Variants in CHRM3 observed in about 807,000 individuals in gnomAD.
CHRM3 encodes muscarinic acetylcholine receptor M3.
Under a neutral mutation model 41.8 loss-of-function variants are expected in CHRM3, and 11 were observed. The ratio of observed to expected loss-of-function variants is 0.26; its 90% confidence interval spans 0.17 to 0.44. CHRM3 has a LOEUF of 0.44. Ranked by LOEUF, CHRM3 falls within the 20% of genes least tolerant of loss-of-function variation. The pLI is 1.00. For missense variants in CHRM3, 571 were observed against 745.4 expected (o/e 0.77, Z 2.72); for synonymous variants, 297 against 301.4 (o/e 0.99, Z 0.15).
intron 5 of CHRM3, among the ~76,000 whole-genome samples, chr1:239,816,732 CTTT>C (rs11309320): frequency 1.7e-4 from 23 of 131,516 alleles, no homozygotes; most frequent in Admixed American, 3.1e-4. Flanking sequence ...GTGCCTCAGT[CTTT>C]TTTTTTTTTT....
intron 1 of CHRM3, among the ~76,000 whole-genome samples, chr1:239,489,889 A>G (rs1667446513): frequency 6.6e-6 from 1 of 152,178 alleles, no homozygotes; most frequent in African/African-American, 2.4e-5. Flanking sequence ...CATGGGAAGA[A>G]GGAGGAAAAA....
At chr1:239,824,317 G>A (rs999242603) in intron 5 of CHRM3, among the ~76,000 whole-genome samples, 12 of 152,178 alleles carry the variant, frequency 7.9e-5, no homozygotes, top group Non-Finnish European at 1.8e-4. Flanking sequence ...ATTGCACAAG[G>A]TGGACTCGGT....
chr1:239,541,758 C>T (rs1658805025), intron 2 of CHRM3, among the ~76,000 whole-genome samples: 1 of 152,204 alleles, frequency 6.6e-6, no homozygotes, highest in South Asian at 2.1e-4. Flanking sequence ...AGCAATCCAC[C>T]TGCCTTGGCC....
At chr1:239,468,470 C>T (rs540715354) in intron 1 of CHRM3, among the ~76,000 whole-genome samples, 5 of 152,172 alleles carry the variant, frequency 3.3e-5, no homozygotes, top group Admixed American at 6.5e-5. Context: ...TAATGTTTGG[C>T]ATTATGTTTT....
At chr1:239,539,828 G>A (rs946219204) in intron 2 of CHRM3, among the ~76,000 whole-genome samples, 1 of 152,070 alleles carries the variant, frequency 6.6e-6, no homozygotes, top group Non-Finnish European at 1.5e-5. Flanking sequence ...TGTTGCCCAA[G>A]CAGGTCTCAA....
chr1:239,785,829 G>A (rs1393925978), intron 5 of CHRM3, among the ~76,000 whole-genome samples: 1 of 152,126 alleles, frequency 6.6e-6, no homozygotes, highest in African/African-American at 2.4e-5. Context: ...TCATGGAAGG[G>A]TTTAGTTTGC....
At chr1:239,531,606 T>C (rs1670407787) in intron 2 of CHRM3, among the ~76,000 whole-genome samples, 1 of 149,296 alleles carries the variant, frequency 6.7e-6, no homozygotes, top group African/African-American at 2.5e-5. Context: ...TGCTATGTGC[T>C]TTGTCGTATA....
chr1:239,712,720 A>G (rs1256111902), intron 5 of CHRM3, among the ~76,000 whole-genome samples: 1 of 152,126 alleles, frequency 6.6e-6, no homozygotes, highest in East Asian at 1.9e-4. Context: ...GTAAACCCCA[A>G]AGCACTAATA....
chr1:239,469,800 G>C (rs61834723), intron 1 of CHRM3, among the ~76,000 whole-genome samples: 5,217 of 152,108 alleles, frequency 0.034, 128 homozygotes, highest in African/African-American at 0.063. Context: ...CAGGTGATTC[G>C]CCCGCCTTGG....
In CHRM3 at chr1:239,424,485, C is replaced by G. The variant is rs182004652; in HGVS notation, c.-521+37258C>G. Reference sequence around the variant, plus strand: ...CATGACATTTTGTTCATTCATTCAACAAACACTTGAATGTGCCAAACACTT... The same window carrying G: ...CATGACATTTTGTTCATTCATTCAAGAAACACTTGAATGTGCCAAACACTT... On this transcript the variant is annotated intron_variant, in intron 1 of 6. Coordinates refer to ENST00000676153, the MANE Select transcript of CHRM3 (RefSeq NM_001375978.1). 3.0e-3 allele frequency among the ~76,000 whole-genome samples: 452 copies of G among 152,282 alleles called. 8 individuals carry two copies. The highest frequency in any genetic ancestry group is 2.0e-3 in the Non-Finnish European group (138 of 68,020).
chr1:239,500,101 C>T (rs1306000281), intron 2 of CHRM3, among the ~76,000 whole-genome samples: 1 of 142,432 alleles, frequency 7.0e-6, no homozygotes, highest in Non-Finnish European at 1.6e-5. Context: ...CCCATCAATA[C>T]CTAATTTATT....
intron 1 of CHRM3, among the ~76,000 whole-genome samples, chr1:239,484,528 C>T (rs1245199475): frequency 1.3e-5 from 2 of 151,996 alleles, no homozygotes; most frequent in Non-Finnish European, 2.9e-5. Flanking sequence ...CAGTGTAGAA[C>T]ACTGTTATTA....
At chr1:239,559,603 A>G (rs1460904698) in intron 3 of CHRM3, among the ~76,000 whole-genome samples, 1 of 152,202 alleles carries the variant, frequency 6.6e-6, no homozygotes, top group Non-Finnish European at 1.5e-5. Flanking sequence ...AGAGAGCCTG[A>G]TGATGGCTTT....
At chr1:239,548,536 A>C (rs2148426281) in intron 3 of CHRM3, among the ~76,000 whole-genome samples, 1 of 152,224 alleles carries the variant, frequency 6.6e-6, no homozygotes, top group East Asian at 1.9e-4. Context: ...CTTCTTGTTT[A>C]TTTTTGCAAT....
intron 5 of CHRM3, among the ~76,000 whole-genome samples, chr1:239,802,622 G>A (rs1157619307): frequency 6.6e-6 from 1 of 152,098 alleles, no homozygotes; most frequent in Non-Finnish European, 1.5e-5. Context: ...TTCGAGACAG[G>A]GTCTTACTCT....
intron 5 of CHRM3, among the ~76,000 whole-genome samples, chr1:239,805,024 T>G (rs1168257308): frequency 1.3e-5 from 2 of 152,230 alleles, no homozygotes; most frequent in Non-Finnish European, 2.9e-5. Flanking sequence ...CCCGTTTCCT[T>G]AACTCTTACA....
At position 239,638,552 on chromosome 1, in the gene CHRM3, G is replaced by A. The variant is rs1374742622; in HGVS notation, c.-250+6266G>A. 2.3e-4 allele frequency among the ~76,000 whole-genome samples: 35 copies of A among 152,230 alleles called. 1 individual carries two copies. Among genetic ancestry groups the A allele is most frequent in the African/African-American group, 7.7e-4 (32 of 41,542 alleles). On this transcript the variant is annotated intron_variant, in intron 4 of 6. Transcript: ENST00000676153. ...TTTTTCATGTGTTTTTTGGCTGCAT[G>A]AATGTCTTCTTTTGAGAAGTGTCTG...
intron 3 of CHRM3, among the ~76,000 whole-genome samples, chr1:239,617,450 C>T (rs946963483): frequency 2.0e-5 from 3 of 152,040 alleles, no homozygotes; most frequent in Non-Finnish European, 2.9e-5. Flanking sequence ...TTTGGCCAGG[C>T]GTGGGAGCTC....
intron 6 of CHRM3, among the ~76,000 whole-genome samples, chr1:239,896,434 A>G (rs1204237381): frequency 6.6e-6 from 1 of 152,226 alleles, no homozygotes; most frequent in Non-Finnish European, 1.5e-5. Context: ...GCAGTACTCA[A>G]ACACATTTAC....
Sources: gnomAD v4.1 joint callset for allele counts (sites outside exome capture counted in the v4.1 genomes callset) on GRCh38, gnomAD v4.1.1 for gene constraint, MANE v1.5 for transcripts, NCBI Gene and HGNC (gene_info 2026-07-23, HGNC 2026-07-21) for gene names.